DCUN1D3: variants seen among roughly 807,000 people sequenced by gnomAD.
DCUN1D3 encodes the protein DCN1-like protein 3.
DCUN1D3 carries 6 observed loss-of-function variants against 24.8 expected under a neutral mutation model. The observed-to-expected ratio is 0.24, with a 90% confidence interval of 0.13 to 0.48. DCUN1D3 has a LOEUF of 0.48. Ranked by LOEUF, DCUN1D3 falls within the 20% of genes least tolerant of loss-of-function variation. The probability of loss-of-function intolerance (pLI) is 0.99; values close to 1 mark genes in which losing one functional copy is unlikely to be tolerated. For synonymous variants in DCUN1D3, 120 were observed against 144.9 expected (o/e 0.83, Z 1.24); for missense variants, 258 against 379.4 (o/e 0.68, Z 2.66).
intron 1 of DCUN1D3, among the ~76,000 whole-genome samples, chr16:20,886,364 C>A (rs749119827): frequency 6.6e-6 from 1 of 152,174 alleles, no homozygotes; most frequent in Non-Finnish European, 1.5e-5. Flanking sequence ...TCTTTACCAT[C>A]CCATCTACTG....
intron 1 of DCUN1D3, among the ~76,000 whole-genome samples, chr16:20,893,942 T>C (rs1433354843): frequency 6.6e-6 from 1 of 152,228 alleles, no homozygotes; most frequent in Non-Finnish European, 1.5e-5. Context: ...AACCCAACTC[T>C]GCCGCTTGTG....
At chr16:20,891,966 A>G (rs1181234475) in intron 1 of DCUN1D3, among the ~76,000 whole-genome samples, 1 of 152,116 alleles carries the variant, frequency 6.6e-6, no homozygotes, top group Admixed American at 6.5e-5. Flanking sequence ...TCTCCCAGCT[A>G]GACCACTGAT....
In DCUN1D3 at chr16:20,876,107, C is replaced by T. The variant is rs139139231; in HGVS notation, c.-105-13464G>A. Among the ~76,000 whole-genome samples the T allele has an allele frequency of 2.9e-3, 435 of 152,214 alleles. 4 individuals carry two copies. The highest frequency in any genetic ancestry group is 1.0e-2 in the African/African-American group (414 of 41,518). On this transcript the variant is annotated intron_variant, in intron 1 of 2. Transcript: ENST00000324344. ...TTAGCCTCTCGAGTAGCTGGGATTA[C>T]AGGCGCATGCCACCAGGCCCAGCTC...
At chr16:20,871,105 G>A (rs1036599584) in intron 1 of DCUN1D3, among the ~76,000 whole-genome samples, 1 of 152,240 alleles carries the variant, frequency 6.6e-6, no homozygotes, top group Non-Finnish European at 1.5e-5. Context: ...TAAATGCACA[G>A]TTGCTGCTGC....
chr16:20,890,139 T>A (rs537218102), intron 1 of DCUN1D3, among the ~76,000 whole-genome samples: 23 of 152,304 alleles, frequency 1.5e-4, no homozygotes, highest in Admixed American at 5.2e-4. Flanking sequence ...AAATCCTTTG[T>A]AACAAAACTG....
At chr16:20,865,396 C>G (rs1445867045) in intron 1 of DCUN1D3, among the ~76,000 whole-genome samples, 1 of 152,068 alleles carries the variant, frequency 6.6e-6, no homozygotes, top group East Asian at 1.9e-4. Flanking sequence ...AAACAAATTG[C>G]TAGACATTTC....
At chr16:20,863,861 A>T (rs1297386023) in intron 1 of DCUN1D3, among the ~76,000 whole-genome samples, 1 of 152,242 alleles carries the variant, frequency 6.6e-6, no homozygotes, top group East Asian at 1.9e-4. Context: ...GACAAAAACA[A>T]GCAATGGGGA....
Position 20,859,005 on chromosome 16 carries a change from C to T in DCUN1D3, c.*881G>A, listed in dbSNP as rs1484362000. 6 of 150,456 alleles carry T rather than the reference C, an allele frequency of 4.0e-5. No individual in the cohort carries two copies. The highest frequency in any genetic ancestry group is 9.8e-5 in the African/African-American group (4 of 40,614). 9.3% of individuals were successfully genotyped at this position (150,456 alleles called of 1,614,324 possible). A position where few individuals can be genotyped will look rare whatever the true frequency, so the allele number is the denominator to read the frequency against. ...TATTTCCACTTACAACATGAAAATA[C>T]AGAAACTTCATCAAAGAAAGAAAAC... is the stretch of plus-strand genomic sequence containing the variant. On this transcript the variant is annotated 3_prime_UTR_variant, in exon 3 of 3. Coordinates refer to ENST00000324344, the MANE Select transcript of DCUN1D3 (RefSeq NM_173475.4).
chr16:20,893,913 A>T (rs904992576), intron 1 of DCUN1D3, among the ~76,000 whole-genome samples: 1 of 152,218 alleles, frequency 6.6e-6, no homozygotes, highest in Non-Finnish European at 1.5e-5. Context: ...ATCATGAATG[A>T]TAGAGAGCTA....
rs114199187 is a variant in DCUN1D3 at position 20,874,084 on chromosome 16, C to T, written c.-105-11441G>A. ...ATAAGTTAGATATCAGGTTTTCTAT[C>T]ACAACTGAAAGAGTCCCTACCAAGA... On this transcript the variant is annotated intron_variant, in intron 1 of 2. Transcript: ENST00000324344. 7.5e-3 allele frequency among the ~76,000 whole-genome samples: 1,146 copies of T among 152,272 alleles called. 24 individuals carry two copies. Among genetic ancestry groups the T allele is most frequent in the African/African-American group, 0.026 (1,080 of 41,536 alleles).
chr16:20,890,688 C>G (rs1047051228), intron 1 of DCUN1D3, among the ~76,000 whole-genome samples: 3 of 152,092 alleles, frequency 2.0e-5, no homozygotes, highest in African/African-American at 7.2e-5. Context: ...AGTAACAGAA[C>G]TAAACTGCTG....
At chr16:20,868,134 G>A (rs1012411809) in intron 1 of DCUN1D3, among the ~76,000 whole-genome samples, 6 of 152,140 alleles carry the variant, frequency 3.9e-5, no homozygotes, top group Non-Finnish European at 7.3e-5. Context: ...TAATTTAATG[G>A]AACTGCCTTC....
At chr16:20,867,356 G>A (rs1239144944) in intron 1 of DCUN1D3, among the ~76,000 whole-genome samples, 1 of 152,066 alleles carries the variant, frequency 6.6e-6, no homozygotes, top group Non-Finnish European at 1.5e-5. Context: ...GTCTGTGCTC[G>A]GTGCTCAAGA....
intron 1 of DCUN1D3, among the ~76,000 whole-genome samples, chr16:20,889,692 T>C (rs2152518763): frequency 6.6e-6 from 1 of 152,342 alleles, no homozygotes; most frequent in Non-Finnish European, 1.5e-5. Flanking sequence ...ATTTGGTCTT[T>C]GTCCCTGGTT....
chr16:20,883,354 T>C (rs144486711), intron 1 of DCUN1D3, among the ~76,000 whole-genome samples: 1,839 of 152,094 alleles, frequency 0.012, 54 homozygotes, highest in African/African-American at 0.041. Context: ...CTACTAAAAA[T>C]ACAAAACATT....
intron 1 of DCUN1D3, among the ~76,000 whole-genome samples, chr16:20,880,604 C>CAAAAAAAAAAAAAAAAAAAAAAAAA (rs34275241): frequency 1.9e-5 from 1 of 51,940 alleles, no homozygotes; most frequent in African/African-American, 9.2e-5. Flanking sequence ...GACCCTGTCT[C>CAAAAAAAAAAAAAAAAAAAAAAAAA]AAAAAAAAAA....
intron 1 of DCUN1D3, among the ~76,000 whole-genome samples, chr16:20,890,598 T>C (rs1226439244): frequency 6.6e-6 from 1 of 152,060 alleles, no homozygotes; most frequent in Admixed American, 6.6e-5. Context: ...CACTGCACTC[T>C]AGCCTGGGCG....
At chr16:20,874,642 T>C (rs1319034913) in intron 1 of DCUN1D3, among the ~76,000 whole-genome samples, 1 of 152,224 alleles carries the variant, frequency 6.6e-6, no homozygotes, top group East Asian at 1.9e-4. Flanking sequence ...TGAACTTGGC[T>C]ACCCTCTTGG....
chr16:20,895,795 G>A lies in DCUN1D3; in HGVS notation c.-106+4409C>T, dbSNP rs143936944. On this transcript the variant is annotated intron_variant, in intron 1 of 2. Coordinates refer to ENST00000324344, the MANE Select transcript of DCUN1D3 (RefSeq NM_173475.4). ...CTGGTCCATTGTGCAAAGAGCTCCA[G>A]AACAGTCTAAACAGACACAAAGAGA... is the stretch of plus-strand genomic sequence containing the variant. Among the ~76,000 whole-genome samples the A allele has an allele frequency of 3.0e-3, 461 of 152,286 alleles. 2 individuals carry two copies. Among genetic ancestry groups the A allele is most frequent in the Non-Finnish European group, 5.6e-3 (382 of 68,028 alleles).
Sources: allele counts gnomAD v4.1 joint callset (sites outside exome capture counted in the v4.1 genomes callset), GRCh38; gene constraint gnomAD v4.1.1; transcripts MANE v1.5; gene names NCBI Gene and HGNC (gene_info 2026-07-23, HGNC 2026-07-21).